Variants in AFF3 observed in about 807,000 individuals in gnomAD.
AFF3 encodes AF4/FMR2 family member 3.
A neutral mutation model predicts 129.7 loss-of-function variants in AFF3; 32 were observed. The ratio of observed to expected loss-of-function variants is 0.25; its 90% CI spans 0.19 to 0.33. The LOEUF (loss-of-function observed/expected upper bound fraction) is 0.33. Ranked by LOEUF, AFF3 falls within the 10% of genes least tolerant of loss-of-function variation. AFF3 has a pLI of 1.00. For synonymous variants in AFF3, 644 were observed against 635.4 expected (o/e 1.01, Z -0.20); for missense variants, 1,373 against 1,592.0 (o/e 0.86, Z 2.34).
At chr2:99,648,917 A>ACACACACTCTCTCTCTCTCTCTCTCT in intron 13 of AFF3, among the ~76,000 whole-genome samples, 3 of 46,872 alleles carry the variant, frequency 6.4e-5, no homozygotes, top group Non-Finnish European at 1.4e-4. Flanking sequence ...ACACACACAC[A>ACACACACTCTCTCTCTCTCTCTCTCT]CTCTCTCTCT....
intron 7 of AFF3, among the ~76,000 whole-genome samples, chr2:99,997,698 C>T (rs1478890606): frequency 6.6e-6 from 1 of 152,158 alleles, no homozygotes. Context: ...GCCTCCCCTG[C>T]CACTTCTCCC....
chr2:99,992,812 G>A (rs1325941667), intron 7 of AFF3, among the ~76,000 whole-genome samples: 1 of 152,182 alleles, frequency 6.6e-6, no homozygotes, highest in Non-Finnish European at 1.5e-5. Flanking sequence ...ATAAAATAAT[G>A]ACAACTGTAA....
At chr2:99,850,848 T>C (rs1323712822) in intron 7 of AFF3, among the ~76,000 whole-genome samples, 2 of 152,206 alleles carry the variant, frequency 1.3e-5, no homozygotes, top group Admixed American at 1.3e-4. Flanking sequence ...AGAGTCATTA[T>C]AGCAGCTAAC....
chr2:99,907,819 A>T (rs1385446214), intron 7 of AFF3, among the ~76,000 whole-genome samples: 1 of 152,132 alleles, frequency 6.6e-6, no homozygotes, highest in African/African-American at 2.4e-5. Context: ...ATATAAAACA[A>T]ATACTATGTT....
At chr2:99,839,550 A>C (rs1030268325) in intron 7 of AFF3, among the ~76,000 whole-genome samples, 1 of 152,060 alleles carries the variant, frequency 6.6e-6, no homozygotes, top group Admixed American at 6.6e-5. Context: ...TATAATAGCT[A>C]TCCTAGTGGA....
chr2:99,951,947 C>A (rs1676205929), intron 7 of AFF3, among the ~76,000 whole-genome samples: 1 of 152,210 alleles, frequency 6.6e-6, no homozygotes, highest in Non-Finnish European at 1.5e-5. Context: ...CTGGAACTGA[C>A]TGAAATCTCT....
At chr2:99,670,377 AG>A (rs1466668560) in intron 12 of AFF3, among the ~76,000 whole-genome samples, 1 of 104,322 alleles carries the variant, frequency 9.6e-6, no homozygotes, top group Non-Finnish European at 1.9e-5. Context: ...ATATAATGTC[AG>A]AAAAGGTTAA....
At chr2:99,837,666 A>G in intron 7 of AFF3, 142 bp from the exon 8 acceptor site, 1 of 689,326 alleles carries the variant, frequency 1.5e-6, no homozygotes, top group Non-Finnish European at 2.5e-6. Flanking sequence ...TGGGACTGGC[A>G]GACAGGCTCC....
At chr2:99,669,498 T>A (rs1427090955) in intron 12 of AFF3, among the ~76,000 whole-genome samples, 1 of 152,124 alleles carries the variant, frequency 6.6e-6, no homozygotes, top group Non-Finnish European at 1.5e-5. Context: ...TGATACAAAG[T>A]GCAAAAATAA....
chr2:99,856,725 G>C (rs1690559442), intron 7 of AFF3, among the ~76,000 whole-genome samples: 1 of 152,110 alleles, frequency 6.6e-6, no homozygotes, highest in South Asian at 2.1e-4. Context: ...GGATGGCCAA[G>C]CATTTCAGAA....
Position 99,643,600 on chromosome 2 carries a change from C to A in AFF3, c.1184+6026G>T, listed in dbSNP as rs1684419517. ...GGCCAGGGGACTGGGTGACACATTA[C>A]CCAGAAAGGTACACTTCTGTGCTGG... On this transcript the variant is annotated intron_variant, in intron 13 of 24. Coordinates refer to ENST00000672756, the MANE Select transcript of AFF3 (RefSeq NM_001386135.1). Among the ~76,000 whole-genome samples the A allele has an allele frequency of 2.0e-5, 3 of 152,154 alleles. No individual in the cohort carries two copies. The South Asian group carries it at 6.2e-4, about 32-fold the overall frequency.
At chr2:99,799,504 T>G (rs1370878763) in intron 8 of AFF3, among the ~76,000 whole-genome samples, 1 of 152,064 alleles carries the variant, frequency 6.6e-6, no homozygotes, top group African/African-American at 2.4e-5. Context: ...ACCATGTTCA[T>G]GATTTGGAAG....
intron 1 of AFF3, among the ~76,000 whole-genome samples, chr2:100,136,505 A>T (rs900529264): frequency 6.6e-6 from 1 of 152,322 alleles, no homozygotes; most frequent in East Asian, 1.9e-4. Context: ...GACTGTCCTC[A>T]TTCTTGAAAT....
intron 11 of AFF3, among the ~76,000 whole-genome samples, chr2:99,693,358 C>A (rs1053630859): frequency 1.3e-5 from 2 of 151,960 alleles, no homozygotes; most frequent in African/African-American, 4.8e-5. Context: ...AATAAACTTT[C>A]TTTCTACTCT....
At chr2:99,853,339 C>G (rs973464182) in intron 7 of AFF3, among the ~76,000 whole-genome samples, 4 of 152,146 alleles carry the variant, frequency 2.6e-5, no homozygotes, top group African/African-American at 9.7e-5. Flanking sequence ...TTGGTGTTTA[C>G]AGTTACTTGA....
intron 8 of AFF3, among the ~76,000 whole-genome samples, chr2:99,803,315 C>T (rs181005014): frequency 9.9e-4 from 150 of 152,206 alleles, no homozygotes; most frequent in Middle Eastern, 3.4e-3. Context: ...TTTTGATGTG[C>T]TGTTGGATTC....
intron 19 of AFF3, 93 bp downstream of exon 19, chr2:99,568,759 A>C: frequency 1.6e-6 from 2 of 1,278,378 alleles, no homozygotes; most frequent in East Asian, 4.6e-5. Context: ...CTTGTAATAG[A>C]TTTTATAATT....
intron 7 of AFF3, among the ~76,000 whole-genome samples, chr2:99,930,697 G>A (rs573973205): frequency 3.9e-5 from 6 of 152,162 alleles, no homozygotes; most frequent in Admixed American, 2.6e-4. Flanking sequence ...ATGCAGATGG[G>A]GGGAGGGAAG....
intron 9 of AFF3, among the ~76,000 whole-genome samples, chr2:99,749,037 C>T (rs552993039): frequency 3.3e-5 from 5 of 152,180 alleles, no homozygotes; most frequent in African/African-American, 1.2e-4. Flanking sequence ...TGTGTGTGTA[C>T]ACATATGTGT....
Sources: allele counts gnomAD v4.1 joint callset (sites outside exome capture counted in the v4.1 genomes callset), GRCh38; gene constraint gnomAD v4.1.1; transcripts MANE v1.5; gene names NCBI Gene and HGNC (gene_info 2026-07-23, HGNC 2026-07-21).